The following ZNF140 variants were observed in gnomAD, a reference collection of about 807,000 sequenced individuals.
The protein encoded by ZNF140 is zinc finger protein 140 (clone pHZ-39).
ZNF140 carries 13 observed loss-of-function variants against 12.9 expected under a neutral mutation model. The ratio of observed to expected loss-of-function variants is 1.01; its 90% CI spans 0.66 to 1.60. ZNF140 has a LOEUF of 1.60. Among genes scored for constraint, ZNF140 ranks in the 40% most tolerant of loss-of-function variants. The pLI, the probability that ZNF140 is intolerant of heterozygous loss-of-function variation, is 0.00. For synonymous variants in ZNF140, 214 were observed against 186.7 expected (o/e 1.15, Z -1.19); for missense variants, 531 against 548.8 (o/e 0.97, Z 0.32).
intron 4 of ZNF140, among the ~76,000 whole-genome samples, chr12:133,091,357 T>C (rs1462932939): frequency 2.0e-5 from 3 of 151,336 alleles, no homozygotes; most frequent in East Asian, 1.9e-4. Flanking sequence ...CCCTTAAACA[T>C]TGATTTTATA....
In ZNF140 at chr12:133,105,432, G is replaced by C. The variant is rs928731179; in HGVS notation, c.233-78G>C. The C allele has an allele frequency of 1.8e-5, 25 of 1,410,064 alleles. No homozygotes were observed. In the African/African-American group the frequency reaches 3.3e-4, roughly 19 times the overall value. The allele number at this position is 1,410,064 out of a possible 1,614,324, so 87.3% of individuals were successfully genotyped here. On this transcript the variant is annotated intron_variant, in intron 4 of 4. Transcript: ENST00000355557. ...AGATTTTTTGAAACTTCATTCTGTT[G>C]CTAAAGAAGGGAGAAATGGCCTTAT...
chr12:133,102,686 T>C (rs1593800718), intron 4 of ZNF140, among the ~76,000 whole-genome samples: 1 of 150,670 alleles, frequency 6.6e-6, no homozygotes, highest in Non-Finnish European at 1.5e-5. Flanking sequence ...GAGGCGGCGG[T>C]TGCAGTGAGC....
At position 133,090,858 on chromosome 12, in the gene ZNF140, G is replaced by A. The variant is rs991142187; in HGVS notation, c.232+7297G>A. Among the ~76,000 whole-genome samples the A allele has an allele frequency of 1.3e-3, 169 of 131,244 alleles. No homozygotes were observed. The East Asian group carries it at 0.016, about 12-fold the overall frequency. 86.1% of individuals were successfully genotyped at this position (131,244 alleles called of 152,430 possible). ...GAAGGTACTATGCCTAGATGTGCAT[G>A]TAATCCAGATTTATGTTTCTCTCCA... On this transcript the variant is annotated intron_variant, in intron 4 of 4. Coordinates refer to ENST00000355557, the MANE Select transcript of ZNF140 (RefSeq NM_003440.4).
chr12:133,106,053 A>C lies in ZNF140; in HGVS notation c.776A>C (p.Asn259Thr). Residue 259 changes from asparagine (N) to threonine (T), a missense_variant, in exon 5 of 5, where the codon AAC (asparagine) becomes ACC (threonine). Coordinates refer to ENST00000355557, the MANE Select transcript of ZNF140 (RefSeq NM_003440.4). ...ECGKAFSRAS[N>T]LTRHQRIHIG... ...GGAAAGGCCTTTAGCCGTGCCTCCA[A>C]CCTCACTCGACATCAAAGAATTCAC... The C allele has an allele frequency of 1.9e-6, 3 of 1,614,144 alleles. No individual in the cohort carries two copies. The highest frequency in any genetic ancestry group is 2.5e-6 in the Non-Finnish European group (3 of 1,180,008).
rs1283267365 is a variant in ZNF140 at position 133,106,615 on chromosome 12, A to G, written c.1338A>G (p.Ser446=). The G allele has an allele frequency of 1.9e-6, 3 of 1,604,510 alleles. No individual in the cohort carries two copies. Among genetic ancestry groups the G allele is most frequent in the Admixed American group, 1.7e-5 (1 of 58,116 alleles). Residue 446 remains serine, a synonymous_variant, in exon 5 of 5, where the codon TCA becomes TCG. Transcript: ENST00000355557. ...ACAACCCCTATGAATATGAAAATTC[A>G]TTTAATTACCACTCATTCCTTACTG... ...TLDNPYEYEN[S]FNYHSFLTEH...
chr12:133,090,056 C>G (rs1028880586), intron 4 of ZNF140, among the ~76,000 whole-genome samples: 26 of 152,070 alleles, frequency 1.7e-4, no homozygotes, highest in African/African-American at 6.3e-4. Context: ...ATCATGTTGG[C>G]CAGGCTGGTC....
chr12:133,105,215 ATGG>A (rs1207695644), intron 4 of ZNF140, among the ~76,000 whole-genome samples: 3 of 152,152 alleles, frequency 2.0e-5, no homozygotes, highest in East Asian at 3.8e-4. Context: ...TACCGTTTAA[ATGG>A]TGGTGAAGAA....
intron 4 of ZNF140, among the ~76,000 whole-genome samples, chr12:133,090,936 A>G (rs142773158): frequency 0.017 from 2,368 of 141,116 alleles, 22 homozygotes; most frequent in Non-Finnish European, 0.027. Flanking sequence ...CTGCAAACAT[A>G]TCTCGCCTCC....
At chr12:133,082,896 A>G in intron 2 of ZNF140, 1 of 586,994 alleles carries the variant, frequency 1.7e-6, no homozygotes. Context: ...CAGGACAGAT[A>G]ATTTATGTTT....
chr12:133,095,724 A>T (rs868634261), intron 4 of ZNF140, among the ~76,000 whole-genome samples: 1 of 151,598 alleles, frequency 6.6e-6, no homozygotes, highest in African/African-American at 2.4e-5. Flanking sequence ...AGGTCAGCAA[A>T]AAACATGTGA....
chr12:133,085,381 T>C (rs1191140594), intron 4 of ZNF140, among the ~76,000 whole-genome samples: 1 of 152,220 alleles, frequency 6.6e-6, no homozygotes, highest in Non-Finnish European at 1.5e-5. Flanking sequence ...CAGGATCTTA[T>C]TTTGAAAATT....
intron 4 of ZNF140, among the ~76,000 whole-genome samples, chr12:133,092,788 A>G (rs1308387330): frequency 3.3e-5 from 5 of 151,210 alleles, no homozygotes; most frequent in East Asian, 1.9e-4. Context: ...CCGTACAATC[A>G]TAATATAATT....
Position 133,106,442 on chromosome 12 carries a change from G to C in ZNF140, c.1165G>C (p.Glu389Gln). ...TGGAGAGAAACCCTATGCGTGTGCT[G>C]AATGTGATAAAGCCTTCAGCCGGAG... ...HTGEKPYACA[E>Q]CDKAFSRSFS... The change falls in exon 5 of 5, where the codon GAA (glutamate) becomes CAA (glutamine). Residue 389 changes from glutamate to glutamine, a missense_variant. By Grantham distance (29) the Glu-to-Gln change is conservative. Coordinates refer to ENST00000355557, the MANE Select transcript of ZNF140 (RefSeq NM_003440.4). 6.2e-7 allele frequency: 1 copy of C among 1,614,022 alleles called. No individual in the cohort carries two copies. The highest frequency in any genetic ancestry group is 1.7e-5 in the Admixed American group (1 of 60,020).
intron 4 of ZNF140, among the ~76,000 whole-genome samples, chr12:133,088,612 A>T (rs1254672821): frequency 6.6e-6 from 1 of 152,206 alleles, no homozygotes; most frequent in Non-Finnish European, 1.5e-5. Context: ...CATTTGGGTA[A>T]ATACCAAGGA....
rs943786992 is a variant in ZNF140 at position 133,106,431 on chromosome 12, A to G, written c.1154A>G (p.Tyr385Cys). Residue 385 changes from tyrosine (Y) to cysteine (C), a missense_variant, in exon 5 of 5, where the codon TAT becomes TGT. By Grantham distance (194) the Tyr-to-Cys change is radical. Coordinates refer to ENST00000355557, the MANE Select transcript of ZNF140 (RefSeq NM_003440.4). ...HTKSHTGEKPYACAECDKAFS... is the reference protein window; with the variant it reads ...HTKSHTGEKPCACAECDKAFS... ...AAGAGTCACACTGGAGAGAAACCCT[A>G]TGCGTGTGCTGAATGTGATAAAGCC... The G allele has an allele frequency of 1.4e-5, 22 of 1,613,986 alleles. No individual in the cohort carries two copies. The highest frequency in any genetic ancestry group is 1.9e-5 in the Non-Finnish European group (22 of 1,180,026).
intron 4 of ZNF140, among the ~76,000 whole-genome samples, chr12:133,100,226 G>T (rs1452417489): frequency 1.5e-5 from 2 of 133,760 alleles, no homozygotes; most frequent in Non-Finnish European, 3.1e-5. Flanking sequence ...GGAGTGCAGT[G>T]GTGTTATCAT....
chr12:133,104,623 T>C (rs927672545), intron 4 of ZNF140, among the ~76,000 whole-genome samples: 1 of 152,176 alleles, frequency 6.6e-6, no homozygotes, highest in African/African-American at 2.4e-5. Context: ...AGTGCTGAGA[T>C]TACAGGCGTG....
At chr12:133,080,540 A>C (rs1047001843), upstream of ZNF140, 1 of 152,202 alleles carries the variant, frequency 6.6e-6, no homozygotes, top group Non-Finnish European at 1.5e-5. Flanking sequence ...TGGCAGTTAT[A>C]GGAACACAAA....
At chr12:133,081,590 C>G (rs1954505119) in intron 2 of ZNF140, 1 of 454,804 alleles carries the variant, frequency 2.2e-6, no homozygotes. Context: ...CCCCAGGACC[C>G]TGTCCCTTGT....
Sources: gnomAD v4.1 joint callset for allele counts (sites outside exome capture counted in the v4.1 genomes callset) on GRCh38, gnomAD v4.1.1 for gene constraint, MANE v1.5 for transcripts, NCBI Gene and HGNC (gene_info 2026-07-23, HGNC 2026-07-21) for gene names.